Variants in TRIM14 observed in about 807,000 individuals in gnomAD.
TRIM14 encodes tripartite motif-containing protein 14.
TRIM14 carries 28 observed loss-of-function variants against 44.5 expected under a neutral mutation model. The observed-to-expected ratio is 0.63, with a 90% confidence interval of 0.47 to 0.86. The LOEUF is 0.86. TRIM14 is among the 40% of genes least tolerant of loss of function. TRIM14 has a pLI of 0.00. For synonymous variants in TRIM14, 299 were observed against 269.2 expected, an observed-to-expected ratio of 1.11 and a Z score of -1.08; for missense variants, 607 against 611.1, an observed-to-expected ratio of 0.99 and a Z score of 0.07.
chr9:98,092,492 C>A, intron 4 of TRIM14: 1 of 424,308 alleles, frequency 2.4e-6, no homozygotes, highest in Non-Finnish European at 4.8e-6. Flanking sequence ...GCAGCTCACT[C>A]AGCACCTCCG....
chr9:98,106,433 G>A (rs1020755788), intron 2 of TRIM14, among the ~76,000 whole-genome samples: 6 of 152,204 alleles, frequency 3.9e-5, no homozygotes, highest in Non-Finnish European at 8.8e-5. Flanking sequence ...GGGTGGAGCT[G>A]GGAGATCCCA....
chr9:98,091,407 T>C (rs1564175135), intron 5 of TRIM14, among the ~76,000 whole-genome samples: 1 of 152,052 alleles, frequency 6.6e-6, no homozygotes, highest in Admixed American at 6.6e-5. Context: ...CAGTGAGCCA[T>C]GACTGCACCA....
At chr9:98,057,399 G>T in the TRIM14 span, among the ~76,000 whole-genome samples, 25 of 152,120 alleles carry the variant, frequency 1.6e-4, no homozygotes, top group African/African-American at 6.0e-4. Flanking sequence ...AGTTGCTGTG[G>T]TCTCTCTCAC....
At chr9:98,043,312 G>A in the TRIM14 span, among the ~76,000 whole-genome samples, 56,346 of 151,808 alleles carry the variant, frequency 0.37, 12,605 homozygotes, top group African/African-American at 0.63. Flanking sequence ...CGAGTAGCTG[G>A]GATTACAGGC....
chr9:98,060,809 C>T, the TRIM14 span: 1 of 1,614,028 alleles, frequency 6.2e-7, no homozygotes, highest in African/African-American at 1.3e-5. Flanking sequence ...TGCTAAGTTC[C>T]AGAAGAGTGA....
the TRIM14 span, among the ~76,000 whole-genome samples, chr9:98,053,726 C>T: frequency 6.6e-6 from 1 of 152,004 alleles, no homozygotes; most frequent in Non-Finnish European, 1.5e-5. Flanking sequence ...TTCCCTTTCT[C>T]TGCAGCTTCC....
chr9:98,105,359 A>G (rs1396239175), intron 2 of TRIM14, among the ~76,000 whole-genome samples: 1 of 152,186 alleles, frequency 6.6e-6, no homozygotes, highest in Non-Finnish European at 1.5e-5. Flanking sequence ...TTTCAGGATC[A>G]CTTGACGTCA....
intron 5 of TRIM14, 34 bp from the exon 6 acceptor site, chr9:98,088,039 G>A (rs1825861016): frequency 1.4e-6 from 2 of 1,435,786 alleles, no homozygotes; most frequent in Non-Finnish European, 1.8e-6. Context: ...GCACCTGGTG[G>A]GCGGGGCCAG....
At chr9:98,044,368 CTTTT>C in the TRIM14 span, among the ~76,000 whole-genome samples, 33,991 of 109,578 alleles carry the variant, frequency 0.31, 4,706 homozygotes, top group African/African-American at 0.48. Context: ...TGCCCTTTCT[CTTTT>C]TTTTTTTTTT....
In TRIM14 at chr9:98,073,582, C is replaced by T. The variant is rs541017766; in HGVS notation, c.*29-3895G>A. On this transcript the variant is annotated intron_variant, in intron 6 of 6. Transcript: ENST00000375098. ...ACAGGCGTGAGCCACCGCGCCTGGC[C>T]TGGGCTTCTTTTTTTTTTTTTCCAA... Among the ~76,000 whole-genome samples the T allele has an allele frequency of 1.3e-5, 2 of 150,690 alleles. 1 individual carries two copies. The highest frequency in any genetic ancestry group is 4.2e-4 in the South Asian group (2 of 4,770).
intron 5 of TRIM14, among the ~76,000 whole-genome samples, chr9:98,089,279 C>T (rs1011504193): frequency 6.6e-6 from 1 of 151,998 alleles, no homozygotes; most frequent in African/African-American, 2.4e-5. Flanking sequence ...TGGGTTCAAG[C>T]GATTCTCCTA....
At chr9:98,043,085 A>G in the TRIM14 span, among the ~76,000 whole-genome samples, 8 of 152,250 alleles carry the variant, frequency 5.3e-5, no homozygotes, top group Admixed American at 5.2e-4. Context: ...TTATAGACTC[A>G]TAAGACCTCT....
chr9:98,098,488 G>A (rs1272441377), intron 3 of TRIM14, among the ~76,000 whole-genome samples: 2 of 152,004 alleles, frequency 1.3e-5, no homozygotes, highest in African/African-American at 2.4e-5. Context: ...GAGGGGGGCG[G>A]ATCACGAGGT....
intron 2 of TRIM14, among the ~76,000 whole-genome samples, chr9:98,105,040 A>C (rs1192988564): frequency 6.6e-6 from 1 of 152,178 alleles, no homozygotes; most frequent in Non-Finnish European, 1.5e-5. Flanking sequence ...GGCCATGCCC[A>C]GCAGGGGCAA....
the TRIM14 span, among the ~76,000 whole-genome samples, chr9:98,041,938 C>T: frequency 1.3e-5 from 2 of 151,716 alleles, no homozygotes; most frequent in African/African-American, 4.8e-5. Context: ...CCGCCTTGGC[C>T]TCCCGAAGTG....
At chr9:98,081,460 T>G (rs1829858226), downstream of TRIM14, 1 of 195,200 alleles carries the variant, frequency 5.1e-6, no homozygotes, top group South Asian at 1.1e-4. Context: ...GAGAAACATT[T>G]AGGCACGGTG....
At chr9:98,046,881 T>C in the TRIM14 span, among the ~76,000 whole-genome samples, 8 of 152,210 alleles carry the variant, frequency 5.3e-5, no homozygotes, top group Non-Finnish European at 1.2e-4. Flanking sequence ...GTGACAGGAT[T>C]AGGCACGTAC....
chr9:98,095,057 G>A lies in TRIM14; in HGVS notation c.538-28C>T. ...GTGTGGGCACACGGGGGTGAGGGTG[G>A]CTCTGGGAGATGCAGGCAGCATCCC... On this transcript the variant is annotated intron_variant, in intron 3 of 5. Coordinates refer to ENST00000341469, the MANE Select transcript of TRIM14 (RefSeq NM_014788.4). This position sits in a 1 kb window ranked among gnomAD's most constrained non-coding sequence, Gnocchi z 4.1. The A allele has an allele frequency of 6.3e-7, 1 of 1,599,556 alleles. No homozygotes were observed. The highest frequency in any genetic ancestry group is 8.5e-7 in the Non-Finnish European group (1 of 1,174,032).
intron 1 of TRIM14, 67 bp from the exon 2 acceptor site, chr9:98,110,051 G>A: frequency 8.3e-7 from 1 of 1,199,660 alleles, no homozygotes; most frequent in Non-Finnish European, 1.2e-6. Flanking sequence ...GCCCCCCACA[G>A]GGGTCACCTC....
Sources: allele counts gnomAD v4.1 joint callset (sites outside exome capture counted in the v4.1 genomes callset), GRCh38; gene constraint gnomAD v4.1.1; non-coding constraint Gnocchi (gnomAD v3.1); transcripts MANE v1.5; gene names NCBI Gene and HGNC (gene_info 2026-07-23, HGNC 2026-07-21).